The following FNDC3A variants were observed in gnomAD, a reference collection of about 807,000 sequenced individuals.
FNDC3A encodes the protein fibronectin type-III domain-containing protein 3A.
In FNDC3A, 32 loss-of-function variants were observed where a neutral mutation model predicts 148.9. That is an observed-to-expected ratio of 0.21 (90% CI 0.16 to 0.29). FNDC3A has a LOEUF of 0.29. Ranked by LOEUF, FNDC3A falls within the 10% of genes least tolerant of loss-of-function variation. FNDC3A has a pLI of 1.00. For synonymous variants in FNDC3A, 472 were observed against 473.6 expected, an observed-to-expected ratio of 1.00 and a Z score of 0.04; for missense variants, 1,191 against 1,452.8, an observed-to-expected ratio of 0.82 and a Z score of 2.93.
At chr13:49,001,869 ATTT>A (rs1952131690) in intron 1 of FNDC3A, among the ~76,000 whole-genome samples, 1 of 151,950 alleles carries the variant, frequency 6.6e-6, no homozygotes, top group East Asian at 1.9e-4. Context: ...CCCTGCCTCC[ATTT>A]GCCTTGTGAT....
At chr13:49,062,990 G>A (rs190950031) in intron 2 of FNDC3A, among the ~76,000 whole-genome samples, 98 of 152,214 alleles carry the variant, frequency 6.4e-4, no homozygotes, top group African/African-American at 2.0e-3. Flanking sequence ...TCAGTTTTAT[G>A]TGTATATCAT....
chr13:49,160,172 G>A (rs906878469), intron 8 of FNDC3A, among the ~76,000 whole-genome samples: 5 of 152,092 alleles, frequency 3.3e-5, no homozygotes, highest in African/African-American at 1.2e-4. Flanking sequence ...TCTATTGATT[G>A]GAATAGTTTC....
intron 4 of FNDC3A, among the ~76,000 whole-genome samples, chr13:49,115,978 TCTTC>T (rs1412849715): frequency 2.0e-5 from 3 of 152,214 alleles, no homozygotes; most frequent in African/African-American, 7.2e-5. Flanking sequence ...CCTTCTCAGA[TCTTC>T]CTTCTCTTAC....
At chr13:49,186,516 A>G (rs1002596027) in intron 15 of FNDC3A, among the ~76,000 whole-genome samples, 5 of 152,244 alleles carry the variant, frequency 3.3e-5, no homozygotes, top group Non-Finnish European at 5.9e-5. Flanking sequence ...ATTCAGACCA[A>G]TAAAAATGCT....
At chr13:49,015,482 G>A in intron 2 of FNDC3A, among the ~76,000 whole-genome samples, 1 of 152,184 alleles carries the variant, frequency 6.6e-6, no homozygotes, top group Admixed American at 6.5e-5. Flanking sequence ...TTGCTTATCA[G>A]CTTAAGAAGA....
intron 9 of FNDC3A, among the ~76,000 whole-genome samples, chr13:49,168,046 T>C (rs570239900): frequency 2.0e-5 from 3 of 152,348 alleles, no homozygotes; most frequent in African/African-American, 7.2e-5. Flanking sequence ...GCAGGTCTTC[T>C]AGTGTAATTT....
At chr13:49,056,757 ATTG>A (rs1394959907) in intron 2 of FNDC3A, among the ~76,000 whole-genome samples, 3 of 151,918 alleles carry the variant, frequency 2.0e-5, no homozygotes, top group Non-Finnish European at 4.4e-5. Flanking sequence ...AGCAGTTTTT[ATTG>A]TTCTTCTTAA....
Position 49,027,361 on chromosome 13 carries a change from T to G in FNDC3A, c.99+21072T>G, listed in dbSNP as rs186504482. ...TAGTGAATGCTTTTCCAACGCTGTC[T>G]CCTTACATTCAGTAGGAATGTTCAC... On this transcript the variant is annotated intron_variant, in intron 2 of 25. Transcript: ENST00000492622. Among the ~76,000 whole-genome samples the G allele has an allele frequency of 8.5e-5, 13 of 152,300 alleles. No homozygotes were observed. The East Asian group carries it at 2.5e-3, about 29-fold the overall frequency.
At chr13:49,021,564 G>T (rs1873329398) in intron 2 of FNDC3A, among the ~76,000 whole-genome samples, 1 of 152,128 alleles carries the variant, frequency 6.6e-6, no homozygotes, top group South Asian at 2.1e-4. Context: ...CTTTTCCAAG[G>T]CTTTTGTGAA....
At chr13:49,079,859 G>C (rs1878357751) in intron 3 of FNDC3A, among the ~76,000 whole-genome samples, 1 of 152,146 alleles carries the variant, frequency 6.6e-6, no homozygotes, top group Admixed American at 6.5e-5. Context: ...TTGTCACCCA[G>C]GCTGGAGTGT....
intron 8 of FNDC3A, among the ~76,000 whole-genome samples, chr13:49,164,519 C>G (rs1349290524): frequency 1.3e-5 from 2 of 152,032 alleles, no homozygotes; most frequent in Non-Finnish European, 2.9e-5. Context: ...ATTTTCTCTT[C>G]ACCGTTTAGG....
chr13:49,117,365 C>T (rs902716471), intron 4 of FNDC3A, among the ~76,000 whole-genome samples: 4 of 152,036 alleles, frequency 2.6e-5, no homozygotes, highest in African/African-American at 9.7e-5. Flanking sequence ...TTTTTGTAGC[C>T]GAACATTTCT....
chr13:49,084,027 A>AT (rs1878650291), intron 3 of FNDC3A, among the ~76,000 whole-genome samples: 1 of 152,212 alleles, frequency 6.6e-6, no homozygotes, highest in Non-Finnish European at 1.5e-5. Flanking sequence ...ACATAAGGTA[A>AT]TTGAGCTAGT....
chr13:49,060,643 C>CAAAA (rs35534890), intron 2 of FNDC3A, among the ~76,000 whole-genome samples: 1 of 59,730 alleles, frequency 1.7e-5, no homozygotes, highest in African/African-American at 7.1e-5. Context: ...GACTCGGTCT[C>CAAAA]AAAAAAAAAA....
chr13:49,025,418 T>A (rs1451089637), intron 2 of FNDC3A, among the ~76,000 whole-genome samples: 1 of 152,126 alleles, frequency 6.6e-6, no homozygotes, highest in Non-Finnish European at 1.5e-5. Context: ...TTCTTTAGAA[T>A]GTCTGAATAA....
intron 2 of FNDC3A, among the ~76,000 whole-genome samples, chr13:49,023,194 A>G (rs1335279346): frequency 6.6e-6 from 1 of 152,026 alleles, no homozygotes; most frequent in Non-Finnish European, 1.5e-5. Flanking sequence ...GCAGACTGGA[A>G]TTTAGTTTTT....
At chr13:49,194,854 G>A (rs1245294653) in intron 19 of FNDC3A, among the ~76,000 whole-genome samples, 1 of 151,804 alleles carries the variant, frequency 6.6e-6, no homozygotes, top group Non-Finnish European at 1.5e-5. Flanking sequence ...AAAGTTTTAT[G>A]GAAAGATTTT....
chr13:49,108,531 C>G (rs987507584), intron 3 of FNDC3A, among the ~76,000 whole-genome samples: 1 of 151,944 alleles, frequency 6.6e-6, no homozygotes, highest in Admixed American at 6.6e-5. Flanking sequence ...AACAAGTGTT[C>G]TGTAAAAAGG....
intron 16 of FNDC3A, chr13:49,187,490 G>A (rs1469565095): frequency 1.3e-6 from 2 of 1,529,394 alleles, no homozygotes; most frequent in African/African-American, 1.4e-5. Context: ...TATGTTTTAA[G>A]TAGTTGTTGT....
Sources: allele counts gnomAD v4.1 joint callset (sites outside exome capture counted in the v4.1 genomes callset), GRCh38; gene constraint gnomAD v4.1.1; transcripts MANE v1.5; gene names NCBI Gene and HGNC (gene_info 2026-07-23, HGNC 2026-07-21).